Variants in MAMDC2 observed in about 807,000 individuals in gnomAD.
MAMDC2 encodes MAM domain containing 2, also known as MAM domain-containing protein 2.
MAMDC2 carries 57 observed loss-of-function variants against 89.8 expected under a neutral mutation model. That is an observed-to-expected ratio of 0.63 (90% CI 0.51 to 0.79). The LOEUF (loss-of-function observed/expected upper bound fraction) is 0.79. MAMDC2 is among the 30% of genes least tolerant of loss of function. MAMDC2 has a pLI of 0.00. For synonymous variants in MAMDC2, 313 were observed against 293.4 expected (o/e 1.07, Z -0.68); for missense variants, 800 against 820.6 (o/e 0.97, Z 0.31).
chr9:70,062,593 T>C (rs138947968), intron 2 of MAMDC2: 1 of 152,164 alleles, frequency 6.6e-6, no homozygotes, highest in Admixed American at 6.5e-5. Flanking sequence ...GATGAGGGAA[T>C]CTGTAAGTGA....
chr9:70,178,672 C>T (rs149698458), intron 11 of MAMDC2, among the ~76,000 whole-genome samples: 1 of 152,258 alleles, frequency 6.6e-6, no homozygotes, highest in Non-Finnish European at 1.5e-5. Flanking sequence ...GTATATAGTC[C>T]AGGATCCCTA....
chr9:70,135,534 C>A (rs958017070), intron 7 of MAMDC2, among the ~76,000 whole-genome samples: 3 of 152,158 alleles, frequency 2.0e-5, no homozygotes, highest in African/African-American at 7.2e-5. Context: ...TATTCATTAG[C>A]AAAATATTAT....
intron 11 of MAMDC2, among the ~76,000 whole-genome samples, chr9:70,181,266 A>G (rs2032639836): frequency 6.6e-6 from 1 of 152,210 alleles, no homozygotes; most frequent in Non-Finnish European, 1.5e-5. Flanking sequence ...CTTGTAGTAT[A>G]GTCTGAAGTC....
intron 11 of MAMDC2, among the ~76,000 whole-genome samples, chr9:70,180,403 G>A (rs1563989407): frequency 6.6e-6 from 1 of 152,104 alleles, no homozygotes; most frequent in Non-Finnish European, 1.5e-5. Context: ...TGGGTCAAAT[G>A]GTATTTCTGG....
At chr9:70,047,610 CAT>C in intron 2 of MAMDC2, among the ~76,000 whole-genome samples, 1 of 152,188 alleles carries the variant, frequency 6.6e-6, no homozygotes, top group Non-Finnish European at 1.5e-5. Context: ...CACTGATGGG[CAT>C]TTGGGTTGGT....
At chr9:70,162,348 T>C (rs1425205120) in intron 9 of MAMDC2, among the ~76,000 whole-genome samples, 1 of 152,156 alleles carries the variant, frequency 6.6e-6, no homozygotes. Flanking sequence ...TTCTATTCAT[T>C]ATATTTGGTA....
rs544622965 is a variant in MAMDC2 at position 70,221,573 on chromosome 9, T to G, written c.1911+2977T>G. Among the ~76,000 whole-genome samples, 6 of 151,064 alleles carry G rather than the reference T, an allele frequency of 4.0e-5. No homozygotes were observed. In the South Asian group the frequency reaches 1.3e-3, roughly 32 times the overall value. ...GACAAGAGGAATATGTTTTTGAGAT[T>G]TGTTGAACACAGGATGACTACAGTC... On this transcript the variant is annotated intron_variant, in intron 12 of 13. Transcript: ENST00000377182.
intron 7 of MAMDC2, among the ~76,000 whole-genome samples, chr9:70,134,751 A>C (rs2030942377): frequency 6.6e-6 from 1 of 152,146 alleles, no homozygotes; most frequent in Admixed American, 6.5e-5. Flanking sequence ...AGTGCCCCCA[A>C]GGGTCTCCAC....
intron 11 of MAMDC2, among the ~76,000 whole-genome samples, chr9:70,199,317 T>G (rs2033047440): frequency 6.8e-6 from 1 of 146,222 alleles, no homozygotes. Flanking sequence ...TTTTTGATCT[T>G]GCGATAGTTT....
chr9:70,218,920 T>C (rs1456056175), intron 12 of MAMDC2, among the ~76,000 whole-genome samples: 1 of 152,238 alleles, frequency 6.6e-6, no homozygotes, highest in Non-Finnish European at 1.5e-5. Context: ...TCTTTTCTTC[T>C]AAATATGGTA....
intron 11 of MAMDC2, among the ~76,000 whole-genome samples, chr9:70,180,206 T>C (rs935445464): frequency 6.6e-6 from 1 of 152,226 alleles, no homozygotes; most frequent in African/African-American, 2.4e-5. Context: ...TTCTTTTTTA[T>C]GGCTGCATAG....
intron 9 of MAMDC2, chr9:70,153,004 T>A (rs1321967578): frequency 6.6e-6 from 1 of 152,218 alleles, no homozygotes; most frequent in Non-Finnish European, 1.5e-5. Context: ...AACATCTCTT[T>A]AATACGTGGA....
At chr9:70,054,436 C>T (rs1352263508) in intron 2 of MAMDC2, among the ~76,000 whole-genome samples, 4 of 151,826 alleles carry the variant, frequency 2.6e-5, no homozygotes, top group East Asian at 1.9e-4. Context: ...AAAAGGAGGA[C>T]GTGATCAGTG....
chr9:70,183,452 T>C (rs1201645397), intron 11 of MAMDC2, among the ~76,000 whole-genome samples: 2 of 152,208 alleles, frequency 1.3e-5, no homozygotes, highest in African/African-American at 4.8e-5. Flanking sequence ...GGTGTTAAAG[T>C]CTTCCACTAT....
chr9:70,211,600 G>A (rs183008096), intron 11 of MAMDC2, among the ~76,000 whole-genome samples: 21 of 152,020 alleles, frequency 1.4e-4, no homozygotes, highest in African/African-American at 4.3e-4. Context: ...AGTTATTACC[G>A]ATCGTCTGAA....
intron 8 of MAMDC2, among the ~76,000 whole-genome samples, chr9:70,142,541 C>T (rs1003612779): frequency 1.3e-5 from 2 of 152,142 alleles, no homozygotes; most frequent in Non-Finnish European, 2.9e-5. Context: ...TAAGAAAATA[C>T]CACAGACTGG....
At chr9:70,167,518 GTC>G (rs2032210028) in intron 9 of MAMDC2, among the ~76,000 whole-genome samples, 1 of 151,854 alleles carries the variant, frequency 6.6e-6, no homozygotes, top group Non-Finnish European at 1.5e-5. Flanking sequence ...ATCATCCTTT[GTC>G]TGTTTGAATT....
chr9:70,198,662 C>G (rs2033027833), intron 11 of MAMDC2, among the ~76,000 whole-genome samples: 1 of 152,092 alleles, frequency 6.6e-6, no homozygotes. Context: ...GAGAAAGAAA[C>G]ACCAGCACTT....
chr9:70,151,699 C>G (rs2031585940), intron 9 of MAMDC2, among the ~76,000 whole-genome samples: 1 of 152,128 alleles, frequency 6.6e-6, no homozygotes. Flanking sequence ...GCTCTTCAAG[C>G]CTGCCTTGGG....
Sources: allele counts gnomAD v4.1 joint callset (sites outside exome capture counted in the v4.1 genomes callset), GRCh38; gene constraint gnomAD v4.1.1; transcripts MANE v1.5; gene names NCBI Gene and HGNC (gene_info 2026-07-23, HGNC 2026-07-21).